THADA: variants seen among roughly 807,000 people sequenced by gnomAD.
The protein encoded by THADA is tRNA (32-2'-O)-methyltransferase regulator THADA.
In THADA, 213 loss-of-function variants were observed where a neutral mutation model predicts 219.8. That is an observed-to-expected ratio of 0.97 (90% CI 0.87 to 1.09). The LOEUF is 1.09. Among genes scored for constraint, THADA ranks in the 50% least tolerant of loss-of-function variants. THADA has a pLI of 0.00. For synonymous variants in THADA, 1,018 were observed against 828.9 expected, an observed-to-expected ratio of 1.23 and a Z score of -3.92; for missense variants, 2,956 against 2,311.3, an observed-to-expected ratio of 1.28 and a Z score of -5.72.
chr2:43,251,549 G>A (rs776649437), intron 36 of THADA, among the ~76,000 whole-genome samples: 15 of 152,176 alleles, frequency 9.9e-5, no homozygotes, highest in Non-Finnish European at 1.3e-4. Context: ...GTCAGCGTGC[G>A]AAACACCGGT....
intron 29 of THADA, among the ~76,000 whole-genome samples, chr2:43,393,618 G>A (rs1011278540): frequency 6.6e-6 from 1 of 151,378 alleles, no homozygotes; most frequent in Non-Finnish European, 1.5e-5. Context: ...TAAGGCAGGA[G>A]AATTGCTTAA....
chr2:43,422,726 CT>C (rs1018201732), intron 28 of THADA, among the ~76,000 whole-genome samples: 1 of 152,052 alleles, frequency 6.6e-6, no homozygotes, highest in Non-Finnish European at 1.5e-5. Context: ...TCTTTCAAGG[CT>C]TTTTTGGGGG....
In THADA at chr2:43,431,464, TTTTG is replaced by T. The variant is rs537809779; in HGVS notation, c.3837-1166_3837-1163del. Reference sequence around the variant, plus strand: ...ATTTCATATAAATGTAATAATACATTTTTGTTTGTTTGTTTTTTTGAGACGGAGT... The same window carrying T: ...ATTTCATATAAATGTAATAATACATTTTTGTTTGTTTTTTTGAGACGGAGT... On this transcript the variant is annotated intron_variant, in intron 26 of 37. Coordinates refer to ENST00000405975, the MANE Select transcript of THADA (RefSeq NM_022065.5). 3.9e-4 allele frequency among the ~76,000 whole-genome samples: 60 copies of T among 152,128 alleles called. 2 individuals are homozygous for T. In the South Asian group the frequency reaches 0.011, roughly 28 times the overall value.
intron 26 of THADA, among the ~76,000 whole-genome samples, chr2:43,441,818 T>G (rs1006276256): frequency 1.3e-5 from 2 of 152,230 alleles, no homozygotes; most frequent in African/African-American, 4.8e-5. Context: ...AATCCTAGAA[T>G]AGGTGAGTCT....
chr2:43,299,594 G>A (rs559500130), intron 31 of THADA, among the ~76,000 whole-genome samples: 2 of 152,148 alleles, frequency 1.3e-5, no homozygotes, highest in South Asian at 2.1e-4. Context: ...CCCAAGAGGC[G>A]GAGTTTGCAG....
At chr2:43,543,071 G>C (rs1184752815) in intron 20 of THADA, among the ~76,000 whole-genome samples, 1 of 134,082 alleles carries the variant, frequency 7.5e-6, no homozygotes, top group Non-Finnish European at 1.5e-5. Flanking sequence ...TCCCCTTCCT[G>C]TGCCCATGTG....
At chr2:43,492,508 T>G (rs1452544629) in intron 25 of THADA, among the ~76,000 whole-genome samples, 1 of 152,190 alleles carries the variant, frequency 6.6e-6, no homozygotes, top group Non-Finnish European at 1.5e-5. Flanking sequence ...GCAATTGCTA[T>G]GTAATATGGT....
chr2:43,444,757 A>G (rs1328634464), intron 26 of THADA, among the ~76,000 whole-genome samples: 1 of 152,130 alleles, frequency 6.6e-6, no homozygotes, highest in Non-Finnish European at 1.5e-5. Flanking sequence ...ACACACACCC[A>G]TTTCTTATAC....
chr2:43,520,649 C>T (rs965718442), intron 22 of THADA, among the ~76,000 whole-genome samples: 5 of 151,704 alleles, frequency 3.3e-5, no homozygotes, highest in African/African-American at 9.7e-5. Context: ...AATATCACAC[C>T]ACTGTGCTCC....
intron 36 of THADA, among the ~76,000 whole-genome samples, chr2:43,240,885 C>G (rs557680104): frequency 6.2e-4 from 94 of 152,324 alleles, no homozygotes; most frequent in African/African-American, 2.1e-3. Context: ...CCAGAGCTCT[C>G]AAGGGCAGCC....
chr2:43,553,435 G>A (rs1696986263), intron 17 of THADA, among the ~76,000 whole-genome samples: 1 of 152,130 alleles, frequency 6.6e-6, no homozygotes, highest in African/African-American at 2.4e-5. Flanking sequence ...AAAGAACAAA[G>A]GCCAGAGCTT....
chr2:43,357,586 G>A (rs1285452869), intron 29 of THADA, among the ~76,000 whole-genome samples: 2 of 151,042 alleles, frequency 1.3e-5, no homozygotes, highest in East Asian at 2.0e-4. Context: ...ATCTTCAGCA[G>A]CACTGGTTGT....
chr2:43,467,513 T>C (rs1684402618), intron 26 of THADA, among the ~76,000 whole-genome samples: 1 of 152,208 alleles, frequency 6.6e-6, no homozygotes, highest in East Asian at 1.9e-4. Context: ...AATGTTTACC[T>C]ACCCACACAG....
chr2:43,231,237 G>A lies in THADA; in HGVS notation c.5573C>T (p.Ser1858Phe). ...CTCAGGGCTTGGGGGACGCCAGCCGGACTTTGAGAGGAGACAGAAGAGGTG... is the reference window on the plus strand; with the variant it reads ...CTCAGGGCTTGGGGGACGCCAGCCGAACTTTGAGAGGAGACAGAAGAGGTG... ...CKHLFCLLSK[S>F]GWRPPSPEML... Residue 1858 changes from serine (S) to phenylalanine (F), a missense_variant, in exon 38 of 38, where the codon TCC becomes TTC. By Grantham distance (155) the Ser-to-Phe change is radical (BLOSUM62 -2). Transcript: ENST00000405975. 1 of 1,613,764 alleles carries A rather than the reference G, an allele frequency of 6.2e-7. No homozygotes were observed. The highest frequency in any genetic ancestry group is 1.7e-4 in the Middle Eastern group (1 of 6,060).
Position 43,591,946 on chromosome 2 carries a change from A to C in THADA, c.171+6T>G, listed in dbSNP as rs1170309274. 2 of 1,510,382 alleles carry C rather than the reference A, an allele frequency of 1.3e-6. No individual in the cohort carries two copies. Among genetic ancestry groups the C allele is most frequent in the Non-Finnish European group, 1.8e-6 (2 of 1,123,924 alleles). 93.6% of individuals were successfully genotyped at this position (1,510,382 alleles called of 1,614,324 possible). The stretch of plus-strand genomic sequence containing the variant: ...GATGCATCCATGAATATCAATTCAG[A>C]CTTACCTGTTTAATATAATGGATTT... On this transcript the variant is annotated splice_donor_region_variant and intron_variant, in intron 3 of 37. Coordinates refer to ENST00000405975, the MANE Select transcript of THADA (RefSeq NM_022065.5).
At chr2:43,571,582 T>C (rs1699305109) in intron 13 of THADA, 125 bp downstream of exon 13, 21 of 885,210 alleles carry the variant, frequency 2.4e-5, no homozygotes, top group Non-Finnish European at 3.4e-5. Flanking sequence ...ACGGCCGTCA[T>C]GAACAGATGT....
chr2:43,379,219 T>C (rs1450182117), intron 29 of THADA, among the ~76,000 whole-genome samples: 1 of 152,094 alleles, frequency 6.6e-6, no homozygotes, highest in Non-Finnish European at 1.5e-5. Flanking sequence ...AAGGATAATA[T>C]CTTTAAGATT....
chr2:43,527,886 G>A lies in THADA; in HGVS notation c.3367C>T (p.Leu1123=), dbSNP rs747236492. 24 of 1,605,838 alleles carry A rather than the reference G, an allele frequency of 1.5e-5. No individual in the cohort carries two copies. The highest frequency in any genetic ancestry group is 2.0e-5 in the Non-Finnish European group (24 of 1,173,470). The part of the protein sequence containing the change: ...YTGFVKLTEV[L]NRCPNVSLQK... ...AAAGGATATTTGTTTTACCTGTTTA[G>A]TACTTCAGTGAGTTTCACAAAACCA... The change falls in exon 22 of 38, where the codon CTA becomes TTA. Residue 1123 remains leucine (L), a synonymous_variant. Transcript: ENST00000405975.
intron 31 of THADA, among the ~76,000 whole-genome samples, chr2:43,314,696 G>A (rs1271171634): frequency 6.6e-6 from 1 of 152,168 alleles, no homozygotes; most frequent in Non-Finnish European, 1.5e-5. Context: ...TGGCAGTTCG[G>A]CTTTTTCTTT....
Sources: allele counts gnomAD v4.1 joint callset (sites outside exome capture counted in the v4.1 genomes callset), GRCh38; gene constraint gnomAD v4.1.1; transcripts MANE v1.5; gene names NCBI Gene and HGNC (gene_info 2026-07-23, HGNC 2026-07-21).